Variants in SDK2 observed in about 807,000 individuals in gnomAD.
SDK2 encodes the protein sidekick cell adhesion molecule 2.
Under a neutral mutation model 253.9 loss-of-function variants are expected in SDK2, and 105 were observed. That is an observed-to-expected ratio of 0.41 (90% CI 0.35 to 0.49). The LOEUF (loss-of-function observed/expected upper bound fraction) is 0.49, where lower values mean the gene tolerates loss of function less well. SDK2 is among the 20% of genes least tolerant of loss of function. The probability of loss-of-function intolerance (pLI) is 0.06; values close to 1 mark genes in which losing one functional copy is unlikely to be tolerated. For synonymous variants in SDK2, 1,249 were observed against 1,234.9 expected, an observed-to-expected ratio of 1.01 and a Z score of -0.24; for missense variants, 2,608 against 3,003.0, an observed-to-expected ratio of 0.87 and a Z score of 3.07.
chr17:73,526,300 G>C (rs144828797), intron 1 of SDK2, among the ~76,000 whole-genome samples: 2 of 152,194 alleles, frequency 1.3e-5, no homozygotes, highest in African/African-American at 2.4e-5. Context: ...CACAGGGGCC[G>C]CAAGAGCAGG....
At chr17:73,425,364 G>A (rs1431853178) in intron 12 of SDK2, among the ~76,000 whole-genome samples, 1 of 152,246 alleles carries the variant, frequency 6.6e-6, no homozygotes, top group Non-Finnish European at 1.5e-5. Context: ...ATTAACATTT[G>A]AATGTGTGCA....
At position 73,511,010 on chromosome 17, in the gene SDK2, T is replaced by C. The variant is rs2063975876; in HGVS notation, c.65-3413A>G. On this transcript the variant is annotated intron_variant, in intron 1 of 44. Coordinates refer to ENST00000392650, the MANE Select transcript of SDK2 (RefSeq NM_001144952.2). The surrounding 1 kb of genome is among the most constrained non-coding windows in gnomAD (Gnocchi z 4.9). ...ACCTCTGGCCAGGTGCTAGGGAGGA[T>C]GGAGAGGCTGATGGGCACCCATTTG... is the stretch of plus-strand genomic sequence containing the variant. Among the ~76,000 whole-genome samples, 1 of 152,050 alleles carries C rather than the reference T, an allele frequency of 6.6e-6. No individual in the cohort carries two copies.
intron 39 of SDK2, among the ~76,000 whole-genome samples, chr17:73,358,542 C>T (rs769710664): frequency 6.6e-6 from 1 of 152,146 alleles, no homozygotes; most frequent in South Asian, 2.1e-4. Context: ...ACATAGCCTT[C>T]CAGTGCCTCC....
intron 44 of SDK2, among the ~76,000 whole-genome samples, chr17:73,342,984 G>A (rs1397999056): frequency 6.6e-6 from 1 of 152,184 alleles, no homozygotes; most frequent in Non-Finnish European, 1.5e-5. Flanking sequence ...GGAAGCCGGG[G>A]AGGCTGACTC....
intron 38 of SDK2, among the ~76,000 whole-genome samples, chr17:73,364,423 G>C (rs1003939582): frequency 2.0e-5 from 3 of 152,096 alleles, no homozygotes; most frequent in African/African-American, 7.2e-5. Context: ...AGATAGCAGT[G>C]GGGGGTGCAG....
At chr17:73,567,156 C>G (rs1230873232) in intron 1 of SDK2, among the ~76,000 whole-genome samples, 2 of 152,264 alleles carry the variant, frequency 1.3e-5, no homozygotes, top group Non-Finnish European at 2.9e-5. Context: ...CCCTGCTGCC[C>G]TCTGCGGCCC....
At chr17:73,445,468 C>T (rs1298648337) in intron 5 of SDK2, among the ~76,000 whole-genome samples, 2 of 152,150 alleles carry the variant, frequency 1.3e-5, no homozygotes, top group Non-Finnish European at 1.5e-5. Flanking sequence ...CAGGGTTATC[C>T]TGAGCAGGGG....
intron 2 of SDK2, among the ~76,000 whole-genome samples, chr17:73,491,532 C>G (rs1296691317): frequency 6.6e-6 from 1 of 152,150 alleles, no homozygotes; most frequent in Non-Finnish European, 1.5e-5. Context: ...ACCACTATGC[C>G]CAGCTAACAT....
intron 36 of SDK2, among the ~76,000 whole-genome samples, chr17:73,374,499 G>A (rs181405956): frequency 7.1e-6 from 1 of 140,066 alleles, no homozygotes; most frequent in Non-Finnish European, 1.5e-5. Context: ...ATGGGGTCTC[G>A]CTCTGTTGCC....
At chr17:73,547,986 G>C (rs1400423247) in intron 1 of SDK2, among the ~76,000 whole-genome samples, 1 of 152,156 alleles carries the variant, frequency 6.6e-6, no homozygotes, top group Non-Finnish European at 1.5e-5. Context: ...CAGAGCAGGA[G>C]AGAGAGAGAT....
rs762404848 is a variant in SDK2 at position 73,415,995 on chromosome 17, G to A, written c.2187-3C>T. 8.1e-6 allele frequency: 13 copies of A among 1,608,110 alleles called. No homozygotes were observed. The East Asian group carries it at 2.9e-4, about 36-fold the overall frequency. On this transcript the variant is annotated splice_polypyrimidine_tract_variant and splice_region_variant and intron_variant, in intron 16 of 44. Transcript: ENST00000392650. ...CGGGCAGCCCGGCCAGGCAGTACCT[G>A]AGGGGAAGAGGCGAGGCACAGTGGA...
Position 73,379,326 on chromosome 17 carries a change from G to C in SDK2, c.4865-34C>G. On this transcript the variant is annotated intron_variant, in intron 35 of 44. Transcript: ENST00000392650. This position sits in a 1 kb window ranked among gnomAD's most constrained non-coding sequence, Gnocchi z 4.5. ...CGTGCAGGGTAGGCAGTGAGCATGCGAGTAAACCTGGGAGGGGAGGTGGGC... is the reference window on the plus strand; with the variant it reads ...CGTGCAGGGTAGGCAGTGAGCATGCCAGTAAACCTGGGAGGGGAGGTGGGC... The C allele has an allele frequency of 7.3e-7, 1 of 1,378,318 alleles. No homozygotes were observed. The highest frequency in any genetic ancestry group is 1.0e-6 in the Non-Finnish European group (1 of 994,472). 85.4% of individuals were successfully genotyped at this position (1,378,318 alleles called of 1,614,324 possible).
Position 73,618,987 on chromosome 17 carries a change from C to T in SDK2, c.64+25038G>A, listed in dbSNP as rs564979545. 5.9e-5 allele frequency among the ~76,000 whole-genome samples: 9 copies of T among 151,786 alleles called. No homozygotes were observed. Among genetic ancestry groups the T allele is most frequent in the African/African-American group, 1.7e-4 (7 of 41,412 alleles). ...TTTGAGACTGGCCTGGACAACATGG[C>T]GAAACCTCACCTCTACTAAAAATAC... On this transcript the variant is annotated intron_variant, in intron 1 of 44. Coordinates refer to ENST00000392650, the MANE Select transcript of SDK2 (RefSeq NM_001144952.2). The surrounding 1 kb of genome is among the most constrained non-coding windows in gnomAD (Gnocchi z 4.1).
chr17:73,495,676 G>T (rs2063837389), intron 2 of SDK2, among the ~76,000 whole-genome samples: 1 of 151,906 alleles, frequency 6.6e-6, no homozygotes, highest in Non-Finnish European at 1.5e-5. Context: ...GTGCATGCGT[G>T]CTATGTAGGC....
intron 1 of SDK2, among the ~76,000 whole-genome samples, chr17:73,508,808 C>G (rs8071556): frequency 0.73 from 110,668 of 152,112 alleles, 40,726 homozygotes; most frequent in African/African-American, 0.8. Flanking sequence ...AGCCAAAACC[C>G]GGGTGGGAGG....
chr17:73,608,616 T>C (rs1022597920), intron 1 of SDK2, among the ~76,000 whole-genome samples: 1 of 152,100 alleles, frequency 6.6e-6, no homozygotes. Context: ...ATAATTTTTT[T>C]ATTTTTAGTA....
intron 1 of SDK2, among the ~76,000 whole-genome samples, chr17:73,554,809 T>C (rs2045117991): frequency 6.6e-6 from 1 of 152,258 alleles, no homozygotes; most frequent in Non-Finnish European, 1.5e-5. Context: ...TGTGGAGCTC[T>C]TGGGCATCCT....
chr17:73,411,078 A>G (rs895361145), intron 18 of SDK2, among the ~76,000 whole-genome samples: 1 of 151,192 alleles, frequency 6.6e-6, no homozygotes, highest in African/African-American at 2.4e-5. Flanking sequence ...GCCTCCCCCC[A>G]GGGTCCCAAT....
chr17:73,566,881 A>C (rs374595042), intron 1 of SDK2, among the ~76,000 whole-genome samples: 2 of 152,178 alleles, frequency 1.3e-5, no homozygotes, highest in African/African-American at 4.8e-5. Context: ...TTAAAAAAAA[A>C]AAAAAAGCAG....
Sources: allele counts gnomAD v4.1 joint callset (sites outside exome capture counted in the v4.1 genomes callset), GRCh38; gene constraint gnomAD v4.1.1; non-coding constraint Gnocchi (gnomAD v3.1); transcripts MANE v1.5; gene names NCBI Gene and HGNC (gene_info 2026-07-23, HGNC 2026-07-21).